Variants in GATD1 observed in about 807,000 individuals in gnomAD.
GATD1 encodes glutamine amidotransferase class 1 domain containing 1, also known as glutamine amidotransferase-like class 1 domain-containing protein 1.
A neutral mutation model predicts 25.9 loss-of-function variants in GATD1; 23 were observed. That is an observed-to-expected ratio of 0.89 (90% CI 0.64 to 1.26). The LOEUF is 1.26. Among genes scored for constraint, GATD1 ranks in the 50% most tolerant of loss-of-function variants. GATD1 has a pLI of 0.00. For synonymous variants in GATD1, 177 were observed against 134.6 expected (o/e 1.31, Z -2.18); for missense variants, 347 against 312.5 (o/e 1.11, Z -0.83).
intron 5 of GATD1, 78 bp downstream of exon 5, chr11:772,349 G>C (rs1590088059): frequency 2.4e-6 from 2 of 830,242 alleles, no homozygotes; most frequent in East Asian, 4.9e-5. Context: ...TCACCCTGGA[G>C]CCTCCGACCT....
rs764157448 is a variant in GATD1, at chr11:767,593, C to T, written c.*3304G>A. 2.6e-5 allele frequency: 37 copies of T among 1,401,044 alleles called. No homozygotes were observed. Among genetic ancestry groups the T allele is most frequent in the Non-Finnish European group, 3.0e-5 (32 of 1,081,796 alleles). 86.8% of individuals were successfully genotyped at this position (1,401,044 alleles called of 1,614,324 possible). ...CTGACCAGAGGGGCTCAATGAGGCT[C>T]ACTGGCTCTTCATGCACCCTGCTGT... On this transcript the variant is annotated 3_prime_UTR_variant, in exon 8 of 8. Coordinates refer to ENST00000319863, the MANE Select transcript of GATD1 (RefSeq NM_182612.4).
At chr11:771,232 G>T in intron 6 of GATD1, 101 bp downstream of exon 6, 1 of 1,548,864 alleles carries the variant, frequency 6.5e-7, no homozygotes, top group South Asian at 1.2e-5. Flanking sequence ...TGCCATGGGG[G>T]TCTATAGAAC....
Position 776,869 on chromosome 11 carries a change from C to T in GATD1, c.64+530G>A, listed in dbSNP as rs549864674. On this transcript the variant is annotated intron_variant, in intron 1 of 7. Transcript: ENST00000319863. Reference sequence around the variant, plus strand: ...CCCCAGGCCAGTACTGCCCTGGTACCCTTGCCCCAGGACGGGGGCCGCGGG... The same window carrying T: ...CCCCAGGCCAGTACTGCCCTGGTACTCTTGCCCCAGGACGGGGGCCGCGGG... The T allele has an allele frequency of 3.3e-5, 5 of 152,490 alleles. No individual in the cohort carries two copies. In the East Asian group the frequency reaches 9.7e-4, roughly 30 times the overall value. 9.4% of individuals were successfully genotyped at this position (152,490 alleles called of 1,614,324 possible). A position where few individuals can be genotyped will look rare whatever the true frequency, so the allele number is the denominator to read the frequency against.
chr11:776,322 G>A (rs569840000), intron 1 of GATD1, among the ~76,000 whole-genome samples: 44 of 152,206 alleles, frequency 2.9e-4, no homozygotes, highest in African/African-American at 1.1e-3. Context: ...ACTGTAAAAT[G>A]TCCACTTATC....
chr11:777,288 C>T, intron 1 of GATD1, 111 bp downstream of exon 1: 2 of 874,902 alleles, frequency 2.3e-6, no homozygotes, highest in Non-Finnish European at 1.5e-6. Context: ...CCCCCAGCGG[C>T]CTCGGCCTCC....
rs928743217 is a variant in GATD1, at chr11:770,880, G to A, written c.*17C>T. On this transcript the variant is annotated 3_prime_UTR_variant, in exon 8 of 8. Coordinates refer to ENST00000319863, the MANE Select transcript of GATD1 (RefSeq NM_182612.4). ...AGACACCTGGGCTGTCTCAGGGGGT[G>A]CATCTACCCAGCAGGTTCATTTCCT... The A allele has an allele frequency of 1.9e-6, 3 of 1,599,976 alleles. No homozygotes were observed. Among genetic ancestry groups the A allele is most frequent in the Non-Finnish European group, 2.6e-6 (3 of 1,171,626 alleles).
chr11:775,233 C>T, intron 1 of GATD1, 91 bp from the exon 2 acceptor site: 2 of 1,056,124 alleles, frequency 1.9e-6, no homozygotes. Context: ...CTCGACTGAC[C>T]CCAGAACACG....
At position 777,452 on chromosome 11, in the gene GATD1, T is replaced by C. The variant is rs918075609; in HGVS notation, c.11A>G (p.Glu4Gly). Reference sequence around the variant, plus strand: ...ACAGGCGGGCCTGTTAGGGAGCCGCTCGGACGCCATGGCTCGGGCTCGGCG... The same window carrying C: ...ACAGGCGGGCCTGTTAGGGAGCCGCCCGGACGCCATGGCTCGGGCTCGGCG... MAS[E>G]RLPNRPACLL... The change falls in exon 1 of 8, where the codon GAG becomes GGG. Residue 4 changes from glutamate to glycine, a missense_variant. Transcript: ENST00000319863. 8.0e-7 allele frequency: 1 copy of C among 1,249,600 alleles called. No individual in the cohort carries two copies. The highest frequency in any genetic ancestry group is 1.0e-6 in the Non-Finnish European group (1 of 996,810). The allele number at this position is 1,249,600 out of a possible 1,614,324, so 77.4% of individuals were successfully genotyped here.
rs1427584894 is a variant in GATD1, at chr11:769,048, C to G, written c.*1849G>C. 3 of 779,922 alleles carry G rather than the reference C, an allele frequency of 3.8e-6. No homozygotes were observed. In the Admixed American group the frequency reaches 1.9e-4, roughly 49 times the overall value. The allele number at this position is 779,922 out of a possible 1,614,324, so 48.3% of individuals were successfully genotyped here. A position where few individuals can be genotyped will look rare whatever the true frequency, so the allele number is the denominator to read the frequency against. On this transcript the variant is annotated 3_prime_UTR_variant, in exon 8 of 8. Transcript: ENST00000319863. ...CCCGGGAGACAGAGGTTGCAGTGAG[C>G]CAAGATTGTGCCACTGCACTCCAGC... is the stretch of plus-strand genomic sequence containing the variant.
Position 769,218 on chromosome 11 carries a change from A to G in GATD1, c.*1679T>C. ...CCAGTGCTAAGTGGGCATCCTGACT[A>G]ATCTGCGAGGCACTGGAGGGACGCA... On this transcript the variant is annotated 3_prime_UTR_variant, in exon 8 of 8. Coordinates refer to ENST00000319863, the MANE Select transcript of GATD1 (RefSeq NM_182612.4). 1 of 985,506 alleles carries G rather than the reference A, an allele frequency of 1.0e-6. No individual in the cohort carries two copies. Among genetic ancestry groups the G allele is most frequent in the Middle Eastern group, 5.2e-4 (1 of 1,914 alleles). 61.0% of individuals were successfully genotyped at this position (985,506 alleles called of 1,614,324 possible).
chr11:771,862 G>A (rs1459993857), intron 5 of GATD1, among the ~76,000 whole-genome samples: 2 of 152,114 alleles, frequency 1.3e-5, no homozygotes, highest in Non-Finnish European at 2.9e-5. Flanking sequence ...CTGAGGAAGG[G>A]TCCCCTCAGC....
rs1350142317 is a variant in GATD1 at position 767,265 on chromosome 11, C to A, written c.*3632G>T. 6.5e-7 allele frequency: 1 copy of A among 1,536,086 alleles called. No homozygotes were observed. Among genetic ancestry groups the A allele is most frequent in the South Asian group, 1.2e-5 (1 of 84,066 alleles). On this transcript the variant is annotated 3_prime_UTR_variant, in exon 8 of 8. Transcript: ENST00000319863. ...GTTTTATTCCTCATGGGTAGATGAA[C>A]ACACACTGGTATATGGGGAAATCCT... is the stretch of plus-strand genomic sequence containing the variant.
rs776254664 is a variant in GATD1 at position 768,572 on chromosome 11, G to C, written c.*2325C>G. 2.0e-5 allele frequency: 3 copies of C among 152,302 alleles called. No individual in the cohort carries two copies. Among genetic ancestry groups the C allele is most frequent in the Non-Finnish European group, 4.4e-5 (3 of 68,130 alleles). 9.4% of individuals were successfully genotyped at this position (152,302 alleles called of 1,614,324 possible). ...GGAGGCTGAGGCAGGAGAATCACTTGAACCCGGGAGGCGGAGGCTGCAGTG... is the reference window on the plus strand; with the variant it reads ...GGAGGCTGAGGCAGGAGAATCACTTCAACCCGGGAGGCGGAGGCTGCAGTG... On this transcript the variant is annotated 3_prime_UTR_variant, in exon 8 of 8. Coordinates refer to ENST00000319863, the MANE Select transcript of GATD1 (RefSeq NM_182612.4).
In GATD1 at chr11:777,431, GC is replaced by G; in HGVS notation, c.31del (p.Ala11ProfsTer46). On this transcript the variant is annotated frameshift_variant, in exon 1 of 8. Coordinates refer to ENST00000319863, the MANE Select transcript of GATD1 (RefSeq NM_182612.4). LOFTEE classifies it high-confidence loss of function. MASERLPNRP[A>X]CLLVASGAAE... ...GGCGCCGCTGGCCACGAGCAGACAGGCGGGCCTGTTAGGGAGCCGCTCGGAC... is the reference window on the plus strand; with the variant it reads ...GGCGCCGCTGGCCACGAGCAGACAGGGGGCCTGTTAGGGAGCCGCTCGGAC... The G allele has an allele frequency of 7.8e-7, 1 of 1,276,990 alleles. No homozygotes were observed. The highest frequency in any genetic ancestry group is 2.3e-5 in the South Asian group (1 of 43,024). The allele number at this position is 1,276,990 out of a possible 1,614,324, so 79.1% of individuals were successfully genotyped here.
intron 1 of GATD1, among the ~76,000 whole-genome samples, chr11:775,690 A>C (rs897836475): frequency 2.0e-5 from 3 of 152,212 alleles, no homozygotes; most frequent in African/African-American, 7.2e-5. Context: ...GAAGCCGCTC[A>C]GAGGGACCCT....
At position 777,443 on chromosome 11, in the gene GATD1, G is replaced by C. The variant is rs541214106; in HGVS notation, c.20C>G (p.Pro7Arg). 2.4e-6 allele frequency: 3 copies of C among 1,259,672 alleles called. No individual in the cohort carries two copies. Among genetic ancestry groups the C allele is most frequent in the Non-Finnish European group, 3.0e-6 (3 of 1,002,216 alleles). 78.0% of individuals were successfully genotyped at this position (1,259,672 alleles called of 1,614,324 possible). Reference protein sequence around the residue: MASERLPNRPACLLVAS... With the variant: MASERLRNRPACLLVAS... ...CACGAGCAGACAGGCGGGCCTGTTAGGGAGCCGCTCGGACGCCATGGCTCG... is the reference window on the plus strand; with the variant it reads ...CACGAGCAGACAGGCGGGCCTGTTACGGAGCCGCTCGGACGCCATGGCTCG... Residue 7 changes from proline to arginine, a missense_variant, in exon 1 of 8, where the codon CCT becomes CGT. By Grantham distance (103) the Pro-to-Arg change is moderately radical. Coordinates refer to ENST00000319863, the MANE Select transcript of GATD1 (RefSeq NM_182612.4).
intron 5 of GATD1, among the ~76,000 whole-genome samples, chr11:771,645 C>T (rs1346144447): frequency 6.6e-6 from 1 of 152,214 alleles, no homozygotes; most frequent in Non-Finnish European, 1.5e-5. Flanking sequence ...ACGGCCACTA[C>T]AGGAGGACGG....
chr11:777,435 G>C lies in GATD1; in HGVS notation c.28C>G (p.Pro10Ala). Residue 10 changes from proline to alanine, a missense_variant, in exon 1 of 8, where the codon CCC (proline) becomes GCC (alanine). Pro to Ala is a conservative substitution (Grantham distance 27). Transcript: ENST00000319863. ...CCGCTGGCCACGAGCAGACAGGCGG[G>C]CCTGTTAGGGAGCCGCTCGGACGCC... MASERLPNR[P>A]ACLLVASGAA... 2.4e-6 allele frequency: 3 copies of C among 1,269,242 alleles called. No homozygotes were observed. The highest frequency in any genetic ancestry group is 1.6e-5 in the African/African-American group (1 of 63,874). 78.6% of individuals were successfully genotyped at this position (1,269,242 alleles called of 1,614,324 possible). A position where few individuals can be genotyped will look rare whatever the true frequency, so the allele number is the denominator to read the frequency against.
In GATD1 at chr11:774,031, G is replaced by A; in HGVS notation, c.224C>T (p.Pro75Leu). Residue 75 changes from proline (P) to leucine (L), a missense_variant, in exon 3 of 8, where the codon CCC becomes CTC. Physicochemically the swap from Pro to Leu is moderately conservative, Grantham distance 98. Coordinates refer to ENST00000319863, the MANE Select transcript of GATD1 (RefSeq NM_182612.4). ...ACCATCGATGGACTCGAGCTTGGCGGGGCTGGCGTAAGCCTTGAGGCGGAA... is the reference window on the plus strand; with the variant it reads ...ACCATCGATGGACTCGAGCTTGGCGAGGCTGGCGTAAGCCTTGAGGCGGAA... ...QDFRLKAYAS[P>L]AKLESIDGAR... 6.2e-7 allele frequency: 1 copy of A among 1,613,640 alleles called. No homozygotes were observed. Among genetic ancestry groups the A allele is most frequent in the Non-Finnish European group, 8.5e-7 (1 of 1,179,998 alleles).
Sources: allele counts gnomAD v4.1 joint callset (sites outside exome capture counted in the v4.1 genomes callset), GRCh38; gene constraint gnomAD v4.1.1; transcripts MANE v1.5; gene names NCBI Gene and HGNC (gene_info 2026-07-23, HGNC 2026-07-21).